Variants in DZANK1 observed in about 807,000 individuals in gnomAD.
The protein encoded by DZANK1 is double zinc ribbon and ankyrin repeat domains 1, also known as double zinc ribbon and ankyrin repeat-containing protein 1.
A neutral mutation model predicts 94.5 loss-of-function variants in DZANK1; 91 were observed. The observed-to-expected ratio is 0.96, with a 90% confidence interval of 0.81 to 1.15. The LOEUF (loss-of-function observed/expected upper bound fraction) is 1.15. DZANK1 is among the 50% of genes most tolerant of loss of function. The probability of loss-of-function intolerance (pLI) is 0.00; values close to 1 mark genes in which losing one functional copy is unlikely to be tolerated. For missense variants in DZANK1, 903 were observed against 916.4 expected, an observed-to-expected ratio of 0.99 and a Z score of 0.19; for synonymous variants, 312 against 325.3, an observed-to-expected ratio of 0.96 and a Z score of 0.44.
chr20:18,453,875 A>ATT, intron 4 of DZANK1, 48 bp from the exon 5 acceptor site: 2 of 1,139,504 alleles, frequency 1.8e-6, no homozygotes, highest in Non-Finnish European at 2.7e-6. Flanking sequence ...TTCCCATGTG[A>ATT]GAATTAAAGC....
At chr20:18,395,920 A>C (rs981386424) in intron 15 of DZANK1, among the ~76,000 whole-genome samples, 4 of 152,156 alleles carry the variant, frequency 2.6e-5, no homozygotes, top group Non-Finnish European at 5.9e-5. Context: ...AATTTCAACA[A>C]CACCATTAGC....
intron 6 of DZANK1, among the ~76,000 whole-genome samples, chr20:18,451,307 T>G (rs761170297): frequency 6.6e-6 from 1 of 152,218 alleles, no homozygotes; most frequent in Non-Finnish European, 1.5e-5. Context: ...GAATTTCCAA[T>G]TGTCTGTCTT....
intron 15 of DZANK1, among the ~76,000 whole-genome samples, chr20:18,395,787 T>C (rs750923061): frequency 5.9e-5 from 9 of 152,184 alleles, no homozygotes; most frequent in Admixed American, 6.5e-5. Flanking sequence ...AGCTCTGCTC[T>C]AGTCACAACA....
intron 8 of DZANK1, among the ~76,000 whole-genome samples, chr20:18,438,621 TAGTC>T (rs1023465813): frequency 1.8e-4 from 28 of 152,310 alleles, no homozygotes; most frequent in African/African-American, 6.3e-4. Flanking sequence ...AGAAGGTCAA[TAGTC>T]AGGAAGATAG....
intron 3 of DZANK1, among the ~76,000 whole-genome samples, chr20:18,459,751 G>C (rs1000003048): frequency 6.6e-6 from 1 of 152,132 alleles, no homozygotes; most frequent in African/African-American, 2.4e-5. Context: ...GATACAAAAC[G>C]AAATCGAGAA....
At chr20:18,435,367 T>C (rs1196013894) in intron 8 of DZANK1, among the ~76,000 whole-genome samples, 1 of 152,070 alleles carries the variant, frequency 6.6e-6, no homozygotes, top group African/African-American at 2.4e-5. Context: ...AATGATAGAC[T>C]GGATAAAGAA....
At chr20:18,405,984 T>G (rs549484685) in intron 13 of DZANK1, among the ~76,000 whole-genome samples, 70 of 152,314 alleles carry the variant, frequency 4.6e-4, no homozygotes, top group African/African-American at 1.6e-3. Context: ...TGCCCGCACA[T>G]GGAGGGAGCA....
At chr20:18,398,321 C>T (rs898001774) in intron 14 of DZANK1, 6 of 556,572 alleles carry the variant, frequency 1.1e-5, no homozygotes, top group Non-Finnish European at 1.9e-5. Flanking sequence ...TCAGGTGCCC[C>T]AGAAGCAGAC....
chr20:18,438,051 T>C (rs770183103), intron 8 of DZANK1, among the ~76,000 whole-genome samples: 34 of 151,356 alleles, frequency 2.2e-4, no homozygotes, highest in Non-Finnish European at 4.7e-4. Flanking sequence ...ACCCCGTCTC[T>C]ACTAAAAATA....
At chr20:18,415,280 A>C (rs1293371758) in intron 11 of DZANK1, 47 bp downstream of exon 11, 1 of 1,396,784 alleles carries the variant, frequency 7.2e-7, no homozygotes, top group African/African-American at 1.5e-5. Flanking sequence ...TCTCCAGGCC[A>C]GTGGTGAGGT....
At chr20:18,431,755 C>T (rs2058294954) in intron 9 of DZANK1, among the ~76,000 whole-genome samples, 3 of 152,204 alleles carry the variant, frequency 2.0e-5, no homozygotes, top group Admixed American at 2.0e-4. Context: ...AAAATCTGAG[C>T]TACAAAGTCT....
chr20:18,405,752 C>T (rs1280092474), intron 13 of DZANK1, among the ~76,000 whole-genome samples: 1 of 152,186 alleles, frequency 6.6e-6, no homozygotes, highest in Non-Finnish European at 1.5e-5. Flanking sequence ...ATCACAATAC[C>T]TGGTTTTAAC....
At chr20:18,447,425 G>A (rs1446050080) in intron 7 of DZANK1, among the ~76,000 whole-genome samples, 4 of 152,134 alleles carry the variant, frequency 2.6e-5, no homozygotes, top group East Asian at 1.9e-4. Context: ...GGGTTCAAGC[G>A]ATTCTCCTGC....
chr20:18,393,426 A>G (rs2056132924), intron 17 of DZANK1, among the ~76,000 whole-genome samples: 1 of 152,178 alleles, frequency 6.6e-6, no homozygotes, highest in African/African-American at 2.4e-5. Flanking sequence ...CAGACAACCA[A>G]GGTTCCATAT....
intron 7 of DZANK1, among the ~76,000 whole-genome samples, chr20:18,444,270 C>T (rs1194571330): frequency 6.6e-6 from 1 of 152,230 alleles, no homozygotes; most frequent in Non-Finnish European, 1.5e-5. Context: ...TACCATGGCA[C>T]CAAGGTTTCA....
intron 3 of DZANK1, among the ~76,000 whole-genome samples, chr20:18,458,166 T>A (rs1396337913): frequency 6.6e-6 from 1 of 152,242 alleles, no homozygotes; most frequent in Non-Finnish European, 1.5e-5. Context: ...GTCTGGCTCA[T>A]TAGCATTTCT....
intron 14 of DZANK1, chr20:18,398,256 A>G: frequency 4.5e-6 from 2 of 440,924 alleles, no homozygotes; most frequent in Non-Finnish European, 8.4e-6. Flanking sequence ...TCTGACTGTT[A>G]GAATTTCCAA....
In DZANK1 at chr20:18,435,877, T is replaced by A. The variant is rs80249649; in HGVS notation, c.748-2112A>T. On this transcript the variant is annotated intron_variant, in intron 8 of 20. Coordinates refer to ENST00000262547, the Ensembl canonical transcript of DZANK1. ...ATAAAAAGCCTGACACTAGTGGCCA[T>A]GCCTTGCAGGGGAGGCAGACATTAA... 3.6e-3 allele frequency among the ~76,000 whole-genome samples: 552 copies of A among 152,090 alleles called. 3 individuals carry two copies. Among genetic ancestry groups the A allele is most frequent in the African/African-American group, 0.012 (516 of 41,520 alleles).
intron 16 of DZANK1, 41 bp downstream of exon 16, chr20:18,394,213 C>T: frequency 1.3e-6 from 2 of 1,564,688 alleles, no homozygotes; most frequent in Non-Finnish European, 1.7e-6. Context: ...CCATGTGTTC[C>T]TGGTCAGTTG....
Sources: allele counts gnomAD v4.1 joint callset (sites outside exome capture counted in the v4.1 genomes callset), GRCh38; gene constraint gnomAD v4.1.1; transcripts MANE v1.5; gene names NCBI Gene and HGNC (gene_info 2026-07-23, HGNC 2026-07-21).